TMEM71: variants seen among roughly 807,000 people sequenced by gnomAD.
TMEM71 encodes transmembrane protein 71.
TMEM71 carries 44 observed loss-of-function variants against 38.0 expected under a neutral mutation model. The observed-to-expected ratio is 1.16, with a 90% CI of 0.91 to 1.49. The LOEUF (loss-of-function observed/expected upper bound fraction) is 1.49. Ranked by LOEUF, TMEM71 falls within the 40% of genes most tolerant of loss-of-function variation. TMEM71 has a pLI of 0.00. For synonymous variants in TMEM71, 133 were observed against 122.5 expected, an observed-to-expected ratio of 1.09 and a Z score of -0.56; for missense variants, 367 against 348.6, an observed-to-expected ratio of 1.05 and a Z score of -0.42.
At chr8:132,775,353 G>C in the TMEM71 span, 1 of 355,264 alleles carries the variant, frequency 2.8e-6, no homozygotes, top group Non-Finnish European at 5.0e-6. Context: ...GGCACGTCGC[G>C]GGCGGCTGAC....
At chr8:132,722,657 A>G (rs1222306042) in intron 6 of TMEM71, among the ~76,000 whole-genome samples, 3 of 152,254 alleles carry the variant, frequency 2.0e-5, no homozygotes, top group Non-Finnish European at 4.4e-5. Context: ...TTTAAAAACC[A>G]CATCTAGACA....
intron 7 of TMEM71, among the ~76,000 whole-genome samples, chr8:132,719,506 C>T (rs1308913831): frequency 1.3e-5 from 2 of 152,112 alleles, no homozygotes; most frequent in African/African-American, 4.8e-5. Context: ...TGCAAATTTT[C>T]CCAAATGTAC....
intron 7 of TMEM71, among the ~76,000 whole-genome samples, chr8:132,717,468 C>T (rs1474574935): frequency 6.6e-6 from 1 of 152,192 alleles, no homozygotes; most frequent in Non-Finnish European, 1.5e-5. Context: ...CACAAACAAA[C>T]ATCCAATAAG....
intron 6 of TMEM71, among the ~76,000 whole-genome samples, chr8:132,726,138 T>A (rs1485698298): frequency 6.6e-6 from 1 of 152,134 alleles, no homozygotes; most frequent in Non-Finnish European, 1.5e-5. Context: ...AGAGAAGTCC[T>A]GGGAGCTAGG....
intron 5 of TMEM71, among the ~76,000 whole-genome samples, chr8:132,742,543 A>T (rs938138681): frequency 6.6e-6 from 1 of 152,160 alleles, no homozygotes; most frequent in Non-Finnish European, 1.5e-5. Context: ...ATTATACTCA[A>T]ATTATTTGCA....
chr8:132,730,209 C>T (rs1014467587), intron 5 of TMEM71, among the ~76,000 whole-genome samples: 1 of 152,142 alleles, frequency 6.6e-6, no homozygotes, highest in Admixed American at 6.5e-5. Context: ...CCACCCACCT[C>T]GGCCTCCCAA....
intron 3 of TMEM71, among the ~76,000 whole-genome samples, chr8:132,753,001 C>A (rs1313699489): frequency 1.4e-4 from 22 of 151,942 alleles, no homozygotes; most frequent in Non-Finnish European, 2.2e-4. Context: ...AGTAACAGAG[C>A]CATGTTGGAG....
chr8:132,764,119 C>T (rs75962374), upstream of TMEM71, among the ~76,000 whole-genome samples: 3,531 of 152,260 alleles, frequency 0.023, 147 homozygotes, highest in African/African-American at 0.082. Context: ...CTTTTGAACA[C>T]GGACTTGAAA....
intron 5 of TMEM71, among the ~76,000 whole-genome samples, chr8:132,734,957 G>A (rs78767639): frequency 6.6e-6 from 1 of 152,146 alleles, no homozygotes; most frequent in Non-Finnish European, 1.5e-5. Flanking sequence ...GAAGCCCAAA[G>A]CCACATACTG....
At chr8:132,759,505 A>G (rs1258811381) in intron 1 of TMEM71, 1 of 152,226 alleles carries the variant, frequency 6.6e-6, no homozygotes, top group Non-Finnish European at 1.5e-5. Flanking sequence ...AGATTTTAGA[A>G]CTTAGTTCCC....
At chr8:132,742,043 C>T (rs1302464662) in intron 5 of TMEM71, among the ~76,000 whole-genome samples, 3 of 152,354 alleles carry the variant, frequency 2.0e-5, no homozygotes, top group Middle Eastern at 3.4e-3. Context: ...ACAGAAGGCT[C>T]GCACTCTTGT....
At chr8:132,718,429 G>A (rs1223403823) in intron 7 of TMEM71, among the ~76,000 whole-genome samples, 9 of 120,258 alleles carry the variant, frequency 7.5e-5, no homozygotes, top group African/African-American at 1.4e-4. Flanking sequence ...ACAGAGTCTC[G>A]CTCTGTTGCC....
chr8:132,741,781 G>A (rs781000859), intron 5 of TMEM71, among the ~76,000 whole-genome samples: 11 of 152,190 alleles, frequency 7.2e-5, no homozygotes, highest in Non-Finnish European at 1.2e-4. Flanking sequence ...CAGGGAGAAG[G>A]TTAGGCCTCT....
chr8:132,741,166 C>T (rs1828013109), intron 5 of TMEM71, among the ~76,000 whole-genome samples: 1 of 152,142 alleles, frequency 6.6e-6, no homozygotes, highest in Non-Finnish European at 1.5e-5. Flanking sequence ...AGATCAAGAC[C>T]ATCCTGGCCC....
At chr8:132,733,071 T>C (rs1827549378) in intron 5 of TMEM71, among the ~76,000 whole-genome samples, 1 of 152,252 alleles carries the variant, frequency 6.6e-6, no homozygotes, top group Non-Finnish European at 1.5e-5. Flanking sequence ...CAAAACACTC[T>C]GTTCTCTGCC....
chr8:132,760,114 G>T (rs1192906664), intron 1 of TMEM71, among the ~76,000 whole-genome samples: 2 of 151,820 alleles, frequency 1.3e-5, no homozygotes, highest in Non-Finnish European at 2.9e-5. Context: ...AGGTCTTATT[G>T]CTCTATCTCA....
At chr8:132,757,350 T>C in intron 2 of TMEM71, 56 bp from the exon 3 acceptor site, 1 of 1,285,474 alleles carries the variant, frequency 7.8e-7, no homozygotes, top group East Asian at 2.4e-5. Context: ...AACAGTTACA[T>C]ATGTTGATAC....
At chr8:132,763,733 A>G (rs372125661), upstream of TMEM71, among the ~76,000 whole-genome samples, 8 of 152,198 alleles carry the variant, frequency 5.3e-5, no homozygotes, top group African/African-American at 1.9e-4. Context: ...ATGTGTTGCA[A>G]ACGTTCATGT....
downstream of TMEM71, among the ~76,000 whole-genome samples, chr8:132,709,732 C>T (rs373948022): frequency 1.2e-4 from 18 of 152,076 alleles, no homozygotes; most frequent in South Asian, 4.2e-4. Flanking sequence ...CTAAAGCCTC[C>T]AGAGGGAAAA....
Sources: gnomAD v4.1 joint callset for allele counts (sites outside exome capture counted in the v4.1 genomes callset) on GRCh38, gnomAD v4.1.1 for gene constraint, MANE v1.5 for transcripts, NCBI Gene and HGNC (gene_info 2026-07-23, HGNC 2026-07-21) for gene names.